MTAP: variants seen among roughly 807,000 people sequenced by gnomAD.
MTAP encodes S-methyl-5'-thioadenosine phosphorylase.
A neutral mutation model predicts 33.6 loss-of-function variants in MTAP; 33 were observed. The ratio of observed to expected loss-of-function variants is 0.98; its 90% CI spans 0.74 to 1.31. The LOEUF is 1.31. Ranked by LOEUF, MTAP falls within the 40% of genes most tolerant of loss-of-function variation. The pLI is 0.00. For synonymous variants in MTAP, 148 were observed against 125.7 expected (o/e 1.18, Z -1.19); for missense variants, 367 against 360.0 (o/e 1.02, Z -0.16).
chr9:21,919,226 A>G (rs1818744883), intron 1 of MTAP, among the ~76,000 whole-genome samples: 2 of 152,204 alleles, frequency 1.3e-5, no homozygotes, highest in African/African-American at 4.8e-5. Context: ...TTTCAAGCAT[A>G]TAAAAATATG....
chr9:21,834,629 C>T (rs1825056845), intron 4 of MTAP, among the ~76,000 whole-genome samples: 1 of 152,232 alleles, frequency 6.6e-6, no homozygotes, highest in Admixed American at 6.5e-5. Context: ...CCTCACCTCT[C>T]ATCATGCTGA....
downstream of MTAP, among the ~76,000 whole-genome samples, chr9:21,871,237 A>G (rs1279842241): frequency 6.6e-6 from 1 of 152,202 alleles, no homozygotes; most frequent in Non-Finnish European, 1.5e-5. Flanking sequence ...TCATTTGCTC[A>G]GTTGCACTAG....
chr9:21,839,762 G>A (rs576300570), intron 5 of MTAP, among the ~76,000 whole-genome samples: 2 of 152,168 alleles, frequency 1.3e-5, no homozygotes, highest in African/African-American at 2.4e-5. Context: ...CTGTCATGAT[G>A]AATTGTCAAG....
intron 4 of MTAP, among the ~76,000 whole-genome samples, chr9:21,820,161 T>A (rs1824595475): frequency 6.6e-6 from 1 of 152,226 alleles, no homozygotes; most frequent in Non-Finnish European, 1.5e-5. Flanking sequence ...ATCCCATTTG[T>A]CAATTTTGGC....
intron 1 of MTAP, among the ~76,000 whole-genome samples, chr9:21,923,620 A>G (rs896809454): frequency 2.6e-5 from 4 of 152,098 alleles, no homozygotes; most frequent in Admixed American, 2.6e-4. Context: ...TTTCTTCTGG[A>G]TATTACCCCA....
Position 21,863,016 on chromosome 9 carries a change from A to T in MTAP, c.*1002A>T, listed in dbSNP as rs1319604274. 2 of 985,104 alleles carry T rather than the reference A, an allele frequency of 2.0e-6. No individual in the cohort carries two copies. The highest frequency in any genetic ancestry group is 2.4e-6 in the Non-Finnish European group (2 of 829,738). 61.0% of individuals were successfully genotyped at this position (985,104 alleles called of 1,614,324 possible). On this transcript the variant is annotated 3_prime_UTR_variant, in exon 8 of 8. Transcript: ENST00000644715. ...AGTTGGTAATATTAAGGTGAATGTC[A>T]TTTAAGGGAGTTACATCTTTATTCT...
chr9:21,940,245 A>C (rs1819115081), downstream of MTAP, among the ~76,000 whole-genome samples: 1 of 152,084 alleles, frequency 6.6e-6, no homozygotes, highest in Admixed American at 6.5e-5. Flanking sequence ...CTAATTTGAG[A>C]CTCCTTATTA....
At chr9:21,821,033 G>A (rs958644122) in intron 4 of MTAP, among the ~76,000 whole-genome samples, 7 of 152,146 alleles carry the variant, frequency 4.6e-5, no homozygotes, top group East Asian at 3.9e-4. Flanking sequence ...GGGCTGAGAC[G>A]ATGGGGTTTT....
intron 1 of MTAP, among the ~76,000 whole-genome samples, chr9:21,812,709 C>T (rs1437736760): frequency 6.6e-6 from 1 of 152,174 alleles, no homozygotes; most frequent in East Asian, 1.9e-4. Flanking sequence ...GTTCTGTGAC[C>T]TTCGTCATGA....
At chr9:21,821,864 G>A (rs994734481) in intron 4 of MTAP, among the ~76,000 whole-genome samples, 3 of 152,176 alleles carry the variant, frequency 2.0e-5, no homozygotes, top group African/African-American at 7.2e-5. Context: ...TTGGGAGGGT[G>A]TGTGTGTCCA....
intron 1 of MTAP, among the ~76,000 whole-genome samples, chr9:21,892,018 C>T (rs990549477): frequency 6.6e-6 from 1 of 152,090 alleles, no homozygotes; most frequent in Non-Finnish European, 1.5e-5. Context: ...TTTATCCAGC[C>T]AAACTAAGCT....
chr9:21,889,233 C>A (rs981295228), intron 1 of MTAP, among the ~76,000 whole-genome samples: 1 of 152,028 alleles, frequency 6.6e-6, no homozygotes. Flanking sequence ...TGTCCTCAAG[C>A]TCTGCAGTTC....
At chr9:21,813,862 G>A (rs1467943243) in intron 1 of MTAP, 1 of 152,190 alleles carries the variant, frequency 6.6e-6, no homozygotes, top group African/African-American at 2.4e-5. Context: ...GCCAGGCTAA[G>A]GAAGGATTGG....
Position 21,862,646 on chromosome 9 carries a change from T to A in MTAP, c.*632T>A, listed in dbSNP as rs1313875332. Reference sequence around the variant, plus strand: ...TTATGTCTTAGTTATAATTAGATTGTGAATCAGCCAACTGAAAATCCTTTT... The same window carrying A: ...TTATGTCTTAGTTATAATTAGATTGAGAATCAGCCAACTGAAAATCCTTTT... On this transcript the variant is annotated 3_prime_UTR_variant, in exon 8 of 8. Coordinates refer to ENST00000644715, the MANE Select transcript of MTAP (RefSeq NM_002451.4). 6.6e-6 allele frequency: 1 copy of A among 152,258 alleles called. No homozygotes were observed. The highest frequency in any genetic ancestry group is 1.5e-5 in the Non-Finnish European group (1 of 68,088). The allele number at this position is 152,258 out of a possible 1,614,324, so 9.4% of individuals were successfully genotyped here. A position where few individuals can be genotyped will look rare whatever the true frequency, so the allele number is the denominator to read the frequency against.
downstream of MTAP, among the ~76,000 whole-genome samples, chr9:21,871,861 C>T (rs561151757): frequency 2.0e-5 from 3 of 152,232 alleles, no homozygotes; most frequent in African/African-American, 7.2e-5. Context: ...AGCAGGAATT[C>T]TGGAAAAGAA....
At chr9:21,880,116 G>A (rs1296777343) in intron 1 of MTAP, among the ~76,000 whole-genome samples, 3 of 152,126 alleles carry the variant, frequency 2.0e-5, no homozygotes, top group Non-Finnish European at 4.4e-5. Flanking sequence ...GCATTTGGAG[G>A]TGGAGCTTTT....
At chr9:21,838,031 G>C (rs1192279025) in intron 5 of MTAP, 21 bp downstream of exon 5, 15 of 1,593,172 alleles carry the variant, frequency 9.4e-6, no homozygotes, top group Non-Finnish European at 1.3e-5. Context: ...TTTCTGGAAG[G>C]TGTACCAGAA....
chr9:21,916,319 A>G (rs1818691542), intron 1 of MTAP, among the ~76,000 whole-genome samples: 1 of 152,098 alleles, frequency 6.6e-6, no homozygotes, highest in African/African-American at 2.4e-5. Context: ...ATAAGAAATG[A>G]GACATTTTAG....
downstream of MTAP, chr9:21,932,272 G>C (rs1426387613): frequency 6.6e-6 from 1 of 152,164 alleles, no homozygotes; most frequent in Non-Finnish European, 1.5e-5. Context: ...GGAGACACTT[G>C]GTCTATAGTT....
Sources: allele counts gnomAD v4.1 joint callset (sites outside exome capture counted in the v4.1 genomes callset), GRCh38; gene constraint gnomAD v4.1.1; transcripts MANE v1.5; gene names NCBI Gene and HGNC (gene_info 2026-07-23, HGNC 2026-07-21).